EYA3: variants seen among roughly 807,000 people sequenced by gnomAD.
EYA3 encodes protein phosphatase EYA3.
EYA3 carries 39 observed loss-of-function variants against 80.0 expected under a neutral mutation model. That is an observed-to-expected ratio of 0.49 (90% CI 0.38 to 0.64). The LOEUF (loss-of-function observed/expected upper bound fraction) is 0.64. EYA3 is among the 30% of genes least tolerant of loss of function. EYA3 has a pLI of 0.00. For synonymous variants in EYA3, 206 were observed against 232.8 expected (o/e 0.88, Z 1.05); for missense variants, 523 against 676.1 (o/e 0.77, Z 2.51).
chr1:27,976,510 G>C (rs958155234), intron 17 of EYA3, among the ~76,000 whole-genome samples: 1 of 152,106 alleles, frequency 6.6e-6, no homozygotes, highest in Non-Finnish European at 1.5e-5. Context: ...TGTGAAGGTA[G>C]AGAAATTTTT....
Position 28,009,185 on chromosome 1 carries a change from T to C in EYA3, c.909+1762A>G, listed in dbSNP as rs949108228. On this transcript the variant is annotated intron_variant, in intron 10 of 17. Coordinates refer to ENST00000373871, the MANE Select transcript of EYA3 (RefSeq NM_001990.4). The surrounding 1 kb of genome is among the most constrained non-coding windows in gnomAD (Gnocchi z 4.8). Reference sequence around the variant, plus strand: ...GATAAGATGAACTCAGATAGATAATTGTACACCAATGGTCAAAGCAGCATT... The same window carrying C: ...GATAAGATGAACTCAGATAGATAATCGTACACCAATGGTCAAAGCAGCATT... 1.3e-5 allele frequency among the ~76,000 whole-genome samples: 2 copies of C among 152,164 alleles called. No homozygotes were observed. The highest frequency in any genetic ancestry group is 4.8e-5 in the African/African-American group (2 of 41,410).
intron 8 of EYA3, among the ~76,000 whole-genome samples, chr1:28,015,515 C>T (rs1192160321): frequency 4.0e-5 from 6 of 151,858 alleles, no homozygotes; most frequent in African/African-American, 1.5e-4. Flanking sequence ...GGTGACAGAG[C>T]GAGACTCTGT....
chr1:28,002,565 CT>C (rs112675888), intron 11 of EYA3, among the ~76,000 whole-genome samples: 10,329 of 151,866 alleles, frequency 0.068, 614 homozygotes, highest in East Asian at 0.25. Context: ...AATCACAGCA[CT>C]TTGGGAGACT....
chr1:28,048,575 C>T (rs2148878231), intron 2 of EYA3, 149 bp from the exon 3 acceptor site: 3 of 500,646 alleles, frequency 6.0e-6, no homozygotes, highest in South Asian at 1.1e-4. Flanking sequence ...TATTTTAGAG[C>T]TAGAAATGAA....
intron 16 of EYA3, among the ~76,000 whole-genome samples, chr1:27,987,097 C>T (rs746437275): frequency 1.4e-4 from 21 of 152,298 alleles, no homozygotes; most frequent in Non-Finnish European, 2.1e-4. Flanking sequence ...ACTCTATACC[C>T]GTTGAACAAT....
intron 1 of EYA3, among the ~76,000 whole-genome samples, chr1:28,080,434 G>T (rs766323940): frequency 9.9e-5 from 15 of 152,076 alleles, no homozygotes; most frequent in Non-Finnish European, 4.4e-5. Context: ...TTCAGCCCAG[G>T]TGATACAGGG....
At chr1:28,038,117 C>T (rs1371238322) in intron 5 of EYA3, among the ~76,000 whole-genome samples, 3 of 152,086 alleles carry the variant, frequency 2.0e-5, no homozygotes, top group East Asian at 1.9e-4. Flanking sequence ...ACTTCAAGCC[C>T]GGTTCTACTC....
chr1:27,991,830 C>T (rs1343731880), intron 14 of EYA3, among the ~76,000 whole-genome samples: 1 of 152,110 alleles, frequency 6.6e-6, no homozygotes, highest in African/African-American at 2.4e-5. Flanking sequence ...CACAGGGTTA[C>T]ATCGCTTTGT....
chr1:28,062,665 T>C (rs1644675746), intron 1 of EYA3, among the ~76,000 whole-genome samples: 1 of 150,892 alleles, frequency 6.6e-6, no homozygotes, highest in Non-Finnish European at 1.5e-5. Flanking sequence ...TAGGTGTGTG[T>C]GTGTGTGTGT....
At chr1:28,005,743 C>CA (rs1394175131) in intron 10 of EYA3, among the ~76,000 whole-genome samples, 1 of 150,998 alleles carries the variant, frequency 6.6e-6, no homozygotes, top group Non-Finnish European at 1.5e-5. Context: ...AAAAAACCCC[C>CA]AAAAAACCAC....
At chr1:28,046,064 C>A (rs1026958372) in intron 3 of EYA3, among the ~76,000 whole-genome samples, 1 of 152,144 alleles carries the variant, frequency 6.6e-6, no homozygotes, top group Non-Finnish European at 1.5e-5. Flanking sequence ...ATCATGCAGA[C>A]AGAAAGTAGA....
intron 1 of EYA3, 106 bp downstream of exon 1, chr1:28,088,418 C>G (rs1285505166): frequency 6.5e-6 from 1 of 153,064 alleles, no homozygotes; most frequent in Non-Finnish European, 1.5e-5. Context: ...AAGGGACAGG[C>G]GAAGAGACTC....
At chr1:28,016,532 TAA>T (rs11318124) in intron 8 of EYA3, among the ~76,000 whole-genome samples, 217 of 113,896 alleles carry the variant, frequency 1.9e-3, no homozygotes, top group Non-Finnish European at 2.3e-3. Flanking sequence ...GACTCCATCT[TAA>T]AAAAAAAAAA....
chr1:28,028,404 A>T (rs1366873477), intron 6 of EYA3, among the ~76,000 whole-genome samples: 2 of 152,106 alleles, frequency 1.3e-5, no homozygotes, highest in Non-Finnish European at 2.9e-5. Flanking sequence ...TAAGCTGGTT[A>T]TTTTGTTACT....
chr1:28,020,282 T>C (rs1407075159), intron 7 of EYA3, among the ~76,000 whole-genome samples: 1 of 152,186 alleles, frequency 6.6e-6, no homozygotes, highest in African/African-American at 2.4e-5. Context: ...GAGCAATAGT[T>C]GGCTTTTATT....
chr1:28,074,007 A>G (rs1282499681), intron 1 of EYA3, among the ~76,000 whole-genome samples: 1 of 152,200 alleles, frequency 6.6e-6, no homozygotes, highest in African/African-American at 2.4e-5. Flanking sequence ...GGAACAATAA[A>G]TAGTTTATTT....
intron 8 of EYA3, among the ~76,000 whole-genome samples, 153 bp downstream of exon 8, chr1:28,017,001 T>A (rs1371208868): frequency 6.6e-6 from 1 of 152,156 alleles, no homozygotes. Context: ...TAAGATGCCA[T>A]CCAGGGTCCG....
chr1:28,064,458 G>A (rs183806028), intron 1 of EYA3, among the ~76,000 whole-genome samples: 2 of 149,606 alleles, frequency 1.3e-5, no homozygotes, highest in Admixed American at 1.3e-4. Context: ...GTGAACAAAG[G>A]TTTACTCCAA....
At chr1:28,080,575 A>G (rs1645386216) in intron 1 of EYA3, among the ~76,000 whole-genome samples, 1 of 152,034 alleles carries the variant, frequency 6.6e-6, no homozygotes. Context: ...TAATATGTAC[A>G]TATATGTGTC....
Sources: gnomAD v4.1 joint callset for allele counts (sites outside exome capture counted in the v4.1 genomes callset) on GRCh38, gnomAD v4.1.1 for gene constraint, Gnocchi (gnomAD v3.1) non-coding constraint, MANE v1.5 for transcripts, NCBI Gene and HGNC (gene_info 2026-07-23, HGNC 2026-07-21) for gene names.